The following NRCAM variants were observed in gnomAD, a reference collection of about 807,000 sequenced individuals.
NRCAM encodes the protein neuronal cell adhesion molecule.
In NRCAM, 83 loss-of-function variants were observed where a neutral mutation model predicts 156.5. The observed-to-expected ratio is 0.53, with a 90% CI of 0.44 to 0.64. NRCAM has a LOEUF of 0.64. NRCAM is among the 30% of genes least tolerant of loss of function. NRCAM has a pLI of 0.00. For synonymous variants in NRCAM, 538 were observed against 563.9 expected, an observed-to-expected ratio of 0.95 and a Z score of 0.65; for missense variants, 1,417 against 1,597.3, an observed-to-expected ratio of 0.89 and a Z score of 1.92.
At chr7:108,265,109 T>C (rs1284672008) in intron 3 of NRCAM, among the ~76,000 whole-genome samples, 4 of 152,184 alleles carry the variant, frequency 2.6e-5, no homozygotes, top group African/African-American at 7.2e-5. Context: ...GCGGGAGCCG[T>C]GGCTCATACA....
intron 3 of NRCAM, among the ~76,000 whole-genome samples, chr7:108,265,503 C>T (rs1220044480): frequency 6.6e-6 from 1 of 152,318 alleles, no homozygotes; most frequent in African/African-American, 2.4e-5. Flanking sequence ...TCACACCTGA[C>T]CTCTATTTTA....
At chr7:108,411,008 T>TTA (rs1554619012) in intron 1 of NRCAM, among the ~76,000 whole-genome samples, 3 of 151,970 alleles carry the variant, frequency 2.0e-5, no homozygotes, top group Non-Finnish European at 4.4e-5. Context: ...TCTGTTTTTT[T>TTA]AAAAAAACTT....
intron 1 of NRCAM, among the ~76,000 whole-genome samples, chr7:108,440,190 A>G (rs1400731849): frequency 6.6e-6 from 1 of 152,212 alleles, no homozygotes; most frequent in Non-Finnish European, 1.5e-5. Context: ...TACGTGTTAC[A>G]ACATGGAGAA....
intron 20 of NRCAM, among the ~76,000 whole-genome samples, chr7:108,187,271 C>T (rs1356950700): frequency 6.6e-6 from 1 of 152,206 alleles, no homozygotes; most frequent in Admixed American, 6.5e-5. Context: ...CTCTACACAC[C>T]CACCACCGAA....
At chr7:108,246,675 C>T (rs2095950744) in intron 3 of NRCAM, among the ~76,000 whole-genome samples, 1 of 152,196 alleles carries the variant, frequency 6.6e-6, no homozygotes, top group Admixed American at 6.5e-5. Context: ...ATCACCAGGC[C>T]TGTAAATCTC....
At chr7:108,418,141 C>T (rs1191144362) in intron 1 of NRCAM, among the ~76,000 whole-genome samples, 1 of 152,126 alleles carries the variant, frequency 6.6e-6, no homozygotes, top group Non-Finnish European at 1.5e-5. Flanking sequence ...TGTGGTCACT[C>T]AATTCCTTGA....
rs1459693169 is a variant in NRCAM, at chr7:108,155,117, C to T, written c.3677+4346G>A. Among the ~76,000 whole-genome samples, 327 of 132,058 alleles carry T rather than the reference C, an allele frequency of 2.5e-3. 1 individual carries two copies. The highest frequency in any genetic ancestry group is 8.6e-3 in the East Asian group (36 of 4,178). The allele number at this position is 132,058 out of a possible 152,430, so 86.6% of individuals were successfully genotyped here. On this transcript the variant is annotated intron_variant, in intron 32 of 32. Coordinates refer to ENST00000379028, the MANE Select transcript of NRCAM (RefSeq NM_001037132.4). Reference sequence around the variant, plus strand: ...ATATATATATACACACACACACACACACACACACACACACACACACACACA... The same window carrying T: ...ATATATATATACACACACACACACATACACACACACACACACACACACACA...
chr7:108,294,785 C>T (rs1426036803), intron 3 of NRCAM, among the ~76,000 whole-genome samples: 2 of 152,186 alleles, frequency 1.3e-5, no homozygotes, highest in Non-Finnish European at 2.9e-5. Flanking sequence ...TCTAGCTCAC[C>T]CTTACGGTCT....
chr7:108,170,403 T>A (rs2057747926), intron 28 of NRCAM, among the ~76,000 whole-genome samples: 1 of 152,198 alleles, frequency 6.6e-6, no homozygotes, highest in African/African-American at 2.4e-5. Flanking sequence ...GGGAACTGCT[T>A]AGGACAAACC....
chr7:108,186,428 G>A (rs2066836073), intron 20 of NRCAM, among the ~76,000 whole-genome samples: 1 of 152,066 alleles, frequency 6.6e-6, no homozygotes, highest in African/African-American at 2.4e-5. Flanking sequence ...GTCAAAATCT[G>A]GAATCCTTCT....
intron 32 of NRCAM, among the ~76,000 whole-genome samples, chr7:108,154,816 C>G (rs2043988710): frequency 6.6e-6 from 1 of 152,048 alleles, no homozygotes; most frequent in Admixed American, 6.6e-5. Context: ...TCTCTCCACT[C>G]CAGGTCCCTA....
intron 1 of NRCAM, among the ~76,000 whole-genome samples, chr7:108,446,605 C>T (rs1844472276): frequency 6.6e-6 from 1 of 152,172 alleles, no homozygotes; most frequent in South Asian, 2.1e-4. Context: ...AGCAAGGGCC[C>T]CCAATGCCTG....
chr7:108,295,626 T>A (rs1267122907), intron 3 of NRCAM, among the ~76,000 whole-genome samples: 1 of 152,210 alleles, frequency 6.6e-6, no homozygotes. Context: ...CATCAGAGAT[T>A]TAGGCTTCAA....
intron 13 of NRCAM, among the ~76,000 whole-genome samples, chr7:108,201,233 C>T (rs1037508165): frequency 6.6e-6 from 1 of 151,442 alleles, no homozygotes; most frequent in Admixed American, 6.6e-5. Flanking sequence ...CACTTGGGCT[C>T]TCAGTGCTGG....
intron 1 of NRCAM, among the ~76,000 whole-genome samples, chr7:108,441,116 A>G (rs1838039357): frequency 6.6e-6 from 1 of 152,232 alleles, no homozygotes. Context: ...CATCCTGGAA[A>G]ATAAAAACCT....
At chr7:108,233,942 G>C (rs2094609104) in intron 6 of NRCAM, among the ~76,000 whole-genome samples, 1 of 152,148 alleles carries the variant, frequency 6.6e-6, no homozygotes, top group Admixed American at 6.6e-5. Context: ...TGGTTGGACT[G>C]GGTTATCTCT....
At chr7:108,262,227 C>G (rs575825608) in intron 3 of NRCAM, among the ~76,000 whole-genome samples, 1 of 152,176 alleles carries the variant, frequency 6.6e-6, no homozygotes, top group Admixed American at 6.5e-5. Flanking sequence ...ATCTCATACC[C>G]TGGATTCATG....
chr7:108,339,117 A>C (rs746108444), intron 2 of NRCAM, among the ~76,000 whole-genome samples: 3 of 152,196 alleles, frequency 2.0e-5, no homozygotes, highest in Non-Finnish European at 4.4e-5. Context: ...AACACTAATC[A>C]CTGATAATTC....
chr7:108,312,890 A>G (rs1003082737), intron 2 of NRCAM, among the ~76,000 whole-genome samples, 159 bp from the exon 3 acceptor site: 1 of 152,194 alleles, frequency 6.6e-6, no homozygotes, highest in East Asian at 1.9e-4. Context: ...TTGCCAAAAC[A>G]TATCTCTGCT....
Sources: gnomAD v4.1 joint callset for allele counts (sites outside exome capture counted in the v4.1 genomes callset) on GRCh38, gnomAD v4.1.1 for gene constraint, MANE v1.5 for transcripts, NCBI Gene and HGNC (gene_info 2026-07-23, HGNC 2026-07-21) for gene names.